C4orf50: variants seen among roughly 807,000 people sequenced by gnomAD.
C4orf50 encodes uncharacterized protein C4orf50.
Under a neutral mutation model 77.2 loss-of-function variants are expected in C4orf50, and 80 were observed. The observed-to-expected ratio is 1.04, with a 90% CI of 0.87 to 1.25. The LOEUF (loss-of-function observed/expected upper bound fraction) is 1.25. Ranked by LOEUF, C4orf50 falls within the 50% of genes most tolerant of loss-of-function variation. The pLI, the probability that C4orf50 is intolerant of heterozygous loss-of-function variation, is 0.00. For synonymous variants in C4orf50, 532 were observed against 465.3 expected (o/e 1.14, Z -1.84); for missense variants, 1,257 against 1,152.9 (o/e 1.09, Z -1.31).
At position 5,980,568 on chromosome 4, in the gene C4orf50, T is replaced by C. The variant is rs570553264; in HGVS notation, c.3700-230A>G. ...ATCCATAGATTTTCTGCAGATTTCCTGCTAAGTCCCTAGACACGTGCATGT... is the reference window on the plus strand; with the variant it reads ...ATCCATAGATTTTCTGCAGATTTCCCGCTAAGTCCCTAGACACGTGCATGT... On this transcript the variant is annotated intron_variant, in intron 28 of 33. Transcript: ENST00000531445. 3.9e-5 allele frequency among the ~76,000 whole-genome samples: 6 copies of C among 152,288 alleles called. No individual in the cohort carries two copies. The South Asian group carries it at 1.2e-3, about 32-fold the overall frequency.
intron 28 of C4orf50, among the ~76,000 whole-genome samples, chr4:5,986,422 A>G (rs1395560268): frequency 3.9e-5 from 6 of 152,144 alleles, no homozygotes; most frequent in East Asian, 1.9e-4. Flanking sequence ...AGAAGAAATC[A>G]TAATAGAAAT....
chr4:5,995,976 C>T (rs1215141209), intron 25 of C4orf50, among the ~76,000 whole-genome samples: 1 of 152,190 alleles, frequency 6.6e-6, no homozygotes, highest in African/African-American at 2.4e-5. Context: ...CCTTCAGGTT[C>T]TTCTTGCAGC....
intron 31 of C4orf50, among the ~76,000 whole-genome samples, 189 bp from the exon 10 acceptor site, chr4:5,967,651 C>T (rs1377497270): frequency 2.0e-5 from 3 of 151,996 alleles, no homozygotes; most frequent in East Asian, 3.9e-4. Flanking sequence ...CAAAGGAAAA[C>T]GGAATTGGTT....
chr4:5,955,051 T>G (rs941697690), downstream of C4orf50, among the ~76,000 whole-genome samples: 3 of 152,202 alleles, frequency 2.0e-5, no homozygotes, highest in South Asian at 2.1e-4. This position sits in a 1 kb window ranked among gnomAD's most constrained non-coding sequence, Gnocchi z 5.1. Context: ...CCTCCTGAGC[T>G]CTTCAGCTGT....
chr4:5,947,905 C>G (rs1466918469), intron 7 of C4orf50, among the ~76,000 whole-genome samples: 1 of 152,230 alleles, frequency 6.6e-6, no homozygotes, highest in African/African-American at 2.4e-5. Context: ...GGGTCCCTGC[C>G]AGCCTCTGCA....
At chr4:5,997,737 C>A (rs530494055) in intron 25 of C4orf50, among the ~76,000 whole-genome samples, 2 of 152,268 alleles carry the variant, frequency 1.3e-5, no homozygotes, top group African/African-American at 4.8e-5. Context: ...TTTTCTATGC[C>A]TAGACATTTT....
In C4orf50 at chr4:5,986,420, T is replaced by C. The variant is rs78485069; in HGVS notation, c.3699+1927A>G. 9.0e-3 allele frequency among the ~76,000 whole-genome samples: 1,372 copies of C among 152,280 alleles called. 14 individuals carry two copies. The highest frequency in any genetic ancestry group is 0.031 in the African/African-American group (1,271 of 41,554). ...ATAACCCAATGGGTCAAAGAAGAAA[T>C]CATAATAGAAATTAGAAGCTATTTT... On this transcript the variant is annotated intron_variant, in intron 28 of 33. Coordinates refer to ENST00000531445, the Ensembl canonical transcript of C4orf50.
At chr4:5,954,038 G>A (rs978574211), downstream of C4orf50, among the ~76,000 whole-genome samples, 6 of 152,204 alleles carry the variant, frequency 3.9e-5, no homozygotes, top group East Asian at 1.9e-4. This position sits in a 1 kb window ranked among gnomAD's most constrained non-coding sequence, Gnocchi z 4.7. Context: ...GAGCAGGGTC[G>A]ATGCCTCTTT....
chr4:5,990,457 T>C (rs1270355037), exon 28 of C4orf50: 1 of 401,004 alleles, frequency 2.5e-6, no homozygotes, highest in Non-Finnish European at 4.4e-6. Flanking sequence ...ATTTGAAATG[T>C]AGGGGGCCTC....
chr4:5,968,454 C>G (rs1719708661), intron 31 of C4orf50, among the ~76,000 whole-genome samples: 1 of 152,188 alleles, frequency 6.6e-6, no homozygotes, highest in African/African-American at 2.4e-5. Flanking sequence ...TCCTGGGAGG[C>G]TTCGGTACCA....
rs774253452 is a variant in C4orf50 at position 5,992,897 on chromosome 4, C to T, written c.1127G>A (p.Arg376His). 1.8e-5 allele frequency: 7 copies of T among 398,974 alleles called. No individual in the cohort carries two copies. The highest frequency in any genetic ancestry group is 1.3e-4 in the South Asian group (1 of 7,860). The allele number at this position is 398,974 out of a possible 1,614,324, so 24.7% of individuals were successfully genotyped here. A position where few individuals can be genotyped will look rare whatever the true frequency, so the allele number is the denominator to read the frequency against. The change falls in exon 27 of 34, where the codon CGC becomes CAC. Residue 376 changes from arginine (R) to histidine (H), a missense_variant. By Grantham distance (29) the Arg-to-His change is conservative (BLOSUM62 0). Coordinates refer to ENST00000531445, the Ensembl canonical transcript of C4orf50. The surrounding 1 kb of genome is among the most constrained non-coding windows in gnomAD (Gnocchi z 5.0). Reference sequence around the variant, plus strand: ...AGAAGAGGCCCGTCCAGGCCTGATGCGGCTCCAGGTGCAGGGCCCCTCTGG... The same window carrying T: ...AGAAGAGGCCCGTCCAGGCCTGATGTGGCTCCAGGTGCAGGGCCCCTCTGG...
rs1189792748 is a variant in C4orf50, at chr4:5,989,517, C to T, written c.2529G>A (p.Gln843=). The T allele has an allele frequency of 2.6e-6, 4 of 1,536,056 alleles. No individual in the cohort carries two copies. The Admixed American group carries it at 7.8e-5, about 30-fold the overall frequency. ...CTCTCTCCCAGCCACTGTGCCACTT[C>T]TGAGCAAAGCTCCAGTTCTCTCCCC... is the stretch of plus-strand genomic sequence containing the variant. Residue 843 remains glutamine (Q), a synonymous_variant, in exon 28 of 34, where the codon CAG becomes CAA. Transcript: ENST00000531445.
Position 5,989,067 on chromosome 4 carries a change from CA to C in C4orf50, c.2978del (p.Leu993ArgfsTer32). The C allele has an allele frequency of 6.5e-7, 1 of 1,536,008 alleles. No individual in the cohort carries two copies. Among genetic ancestry groups the C allele is most frequent in the South Asian group, 1.2e-5 (1 of 84,050 alleles). ...CAGAGATTGCCTGTAAATATTGATC[CA>C]GTTCTTTCTTTAACTGAGAGATGTC... On this transcript the variant is annotated frameshift_variant, in exon 28 of 34. Transcript: ENST00000531445. LOFTEE classifies it high-confidence loss of function.
chr4:6,002,510 G>A (rs1278018278), intron 25 of C4orf50, among the ~76,000 whole-genome samples: 1 of 152,236 alleles, frequency 6.6e-6, no homozygotes, highest in Admixed American at 6.5e-5. Flanking sequence ...GAATACCCCA[G>A]GTGATCTGGC....
At chr4:5,955,698 A>G (rs1377702437), downstream of C4orf50, among the ~76,000 whole-genome samples, 1 of 152,128 alleles carries the variant, frequency 6.6e-6, no homozygotes, top group Non-Finnish European at 1.5e-5. The surrounding 1 kb of genome is among the most constrained non-coding windows in gnomAD (Gnocchi z 5.1). Flanking sequence ...GCCAGATCCC[A>G]GCCTCCCAGC....
At chr4:5,988,812 T>A in exon 28 of C4orf50, 1 of 1,536,106 alleles carries the variant, frequency 6.5e-7, no homozygotes, top group Non-Finnish European at 8.7e-7. Flanking sequence ...TCATGTCTTC[T>A]ATTCCTAGCA....
intron 7 of C4orf50, chr4:5,898,287 A>T (rs913102238): frequency 6.6e-6 from 1 of 152,212 alleles, no homozygotes; most frequent in Non-Finnish European, 1.5e-5. Flanking sequence ...GGAAGAGATC[A>T]TCTTATTCCC....
exon 28 of C4orf50, chr4:5,990,552 G>A: frequency 5.0e-6 from 2 of 399,104 alleles, no homozygotes; most frequent in Non-Finnish European, 8.8e-6. Flanking sequence ...GCGGGGACCT[G>A]GTGGCCAACT....
At position 5,937,528 on chromosome 4, in the gene C4orf50, C is replaced by T. The variant is rs189327861; in HGVS notation, c.*2474+19373G>A. ...AAACAGTAAGCACACAGTAAGATGA[C>T]GGATAAATATACATATATTTGTCAG... is the stretch of plus-strand genomic sequence containing the variant. On this transcript the variant is annotated intron_variant, in intron 7 of 7. Coordinates refer to the C4orf50 transcript ENST00000324058. Among the ~76,000 whole-genome samples, 82 of 152,052 alleles carry T rather than the reference C, an allele frequency of 5.4e-4. 1 individual carries two copies. In the South Asian group the frequency reaches 0.014, roughly 26 times the overall value.
Sources: gnomAD v4.1 joint callset for allele counts (sites outside exome capture counted in the v4.1 genomes callset) on GRCh38, gnomAD v4.1.1 for gene constraint, Gnocchi (gnomAD v3.1) non-coding constraint, MANE v1.5 for transcripts, NCBI Gene and HGNC (gene_info 2026-07-23, HGNC 2026-07-21) for gene names.